UBE2E2: variants seen among roughly 807,000 people sequenced by gnomAD.
The protein encoded by UBE2E2 is ubiquitin-conjugating enzyme E2 E2.
In UBE2E2, 6 loss-of-function variants were observed where a neutral mutation model predicts 24.7. The ratio of observed to expected loss-of-function variants is 0.24; its 90% CI spans 0.13 to 0.48. UBE2E2 has a LOEUF of 0.48. UBE2E2 is among the 20% of genes least tolerant of loss of function. The pLI is 0.99. For synonymous variants in UBE2E2, 104 were observed against 83.6 expected (o/e 1.24, Z -1.33); for missense variants, 169 against 245.0 (o/e 0.69, Z 2.07).
At chr3:23,558,009 T>C (rs1267097159) in intron 5 of UBE2E2, among the ~76,000 whole-genome samples, 1 of 152,228 alleles carries the variant, frequency 6.6e-6, no homozygotes, top group Non-Finnish European at 1.5e-5. Context: ...GCTGTCTTAC[T>C]GCGTTTCTCA....
intron 3 of UBE2E2, among the ~76,000 whole-genome samples, chr3:23,383,380 T>C (rs1225266574): frequency 6.6e-6 from 1 of 152,110 alleles, no homozygotes; most frequent in Non-Finnish European, 1.5e-5. Context: ...ATCTAGCAAA[T>C]GATGATTAAA....
At chr3:23,258,178 A>G (rs2125351784) in intron 3 of UBE2E2, among the ~76,000 whole-genome samples, 1 of 152,340 alleles carries the variant, frequency 6.6e-6, no homozygotes, top group East Asian at 1.9e-4. Flanking sequence ...CACCGAAGGT[A>G]AGATCAAGAA....
chr3:23,464,893 T>G (rs1698888557), intron 3 of UBE2E2, among the ~76,000 whole-genome samples: 1 of 152,200 alleles, frequency 6.6e-6, no homozygotes, highest in African/African-American at 2.4e-5. Flanking sequence ...TGTGAAGTCC[T>G]AAATACAAAT....
At chr3:23,580,944 T>C (rs1047750145) in intron 5 of UBE2E2, among the ~76,000 whole-genome samples, 5 of 152,218 alleles carry the variant, frequency 3.3e-5, no homozygotes, top group South Asian at 2.1e-4. Context: ...AAAATCCTTA[T>C]GGTAATGTCA....
intron 1 of UBE2E2, chr3:23,204,909 A>T (rs1300042375): frequency 3.8e-6 from 1 of 260,654 alleles, no homozygotes; most frequent in African/African-American, 2.3e-5. Flanking sequence ...GCAGTTTTAT[A>T]CTAGTAGATA....
At chr3:23,294,525 G>GT (rs1252304939) in intron 3 of UBE2E2, among the ~76,000 whole-genome samples, 1 of 150,660 alleles carries the variant, frequency 6.6e-6, no homozygotes, top group Non-Finnish European at 1.5e-5. Flanking sequence ...CATCTATGTA[G>GT]TAAGTGCAGC....
At chr3:23,271,788 C>T (rs776141126) in intron 3 of UBE2E2, among the ~76,000 whole-genome samples, 4 of 152,150 alleles carry the variant, frequency 2.6e-5, no homozygotes. Flanking sequence ...ATTTACAATC[C>T]TTTAGCTAGA....
intron 5 of UBE2E2, among the ~76,000 whole-genome samples, chr3:23,563,429 G>A (rs991870544): frequency 6.6e-6 from 1 of 152,156 alleles, no homozygotes; most frequent in Admixed American, 6.6e-5. Context: ...ACTGTGGTCT[G>A]AGAGACAGTT....
intron 3 of UBE2E2, among the ~76,000 whole-genome samples, chr3:23,260,712 G>A (rs959672327): frequency 6.6e-6 from 1 of 152,140 alleles, no homozygotes; most frequent in African/African-American, 2.4e-5. Flanking sequence ...TTCAGAGACT[G>A]AGCCTGGGAG....
At chr3:23,329,019 T>C (rs1050175688) in intron 3 of UBE2E2, among the ~76,000 whole-genome samples, 1 of 152,228 alleles carries the variant, frequency 6.6e-6, no homozygotes, top group African/African-American at 2.4e-5. Context: ...TTGAGTACAA[T>C]ACTCAATACT....
chr3:23,425,558 A>T (rs1216130233), intron 3 of UBE2E2, among the ~76,000 whole-genome samples: 1 of 152,190 alleles, frequency 6.6e-6, no homozygotes, highest in African/African-American at 2.4e-5. Flanking sequence ...TTACAGGGTA[A>T]ACCACTCCCA....
intron 2 of UBE2E2, among the ~76,000 whole-genome samples, chr3:23,214,387 G>A (rs567694732): frequency 6.6e-6 from 1 of 152,042 alleles, no homozygotes; most frequent in African/African-American, 2.4e-5. Context: ...CTGAGTAACT[G>A]GGACTATAAG....
At chr3:23,223,603 A>T (rs1288801835) in intron 3 of UBE2E2, among the ~76,000 whole-genome samples, 1 of 152,068 alleles carries the variant, frequency 6.6e-6, no homozygotes, top group African/African-American at 2.4e-5. Flanking sequence ...TAGTTTGCAA[A>T]TATTTTCTCC....
intron 3 of UBE2E2, among the ~76,000 whole-genome samples, chr3:23,348,368 T>C (rs779029941): frequency 6.0e-5 from 8 of 134,090 alleles, no homozygotes; most frequent in Admixed American, 3.9e-4. Flanking sequence ...AAAAAAAGAA[T>C]AGTCCATAGG....
At chr3:23,272,628 C>T (rs1698275388) in intron 3 of UBE2E2, among the ~76,000 whole-genome samples, 1 of 152,158 alleles carries the variant, frequency 6.6e-6, no homozygotes, top group East Asian at 1.9e-4. Context: ...ATGTGTTAGT[C>T]ATAGTTCTAC....
intron 5 of UBE2E2, among the ~76,000 whole-genome samples, chr3:23,562,775 G>C (rs898330187): frequency 6.6e-6 from 1 of 152,050 alleles, no homozygotes; most frequent in African/African-American, 2.4e-5. Flanking sequence ...AAAAGATTCA[G>C]CTTCTTCCTG....
intron 4 of UBE2E2, among the ~76,000 whole-genome samples, chr3:23,507,938 A>G (rs1285955129): frequency 1.3e-5 from 2 of 152,214 alleles, no homozygotes; most frequent in Non-Finnish European, 2.9e-5. Flanking sequence ...AACGTGTTAT[A>G]TCTACGTTAA....
chr3:23,344,034 C>G (rs1695476640), intron 3 of UBE2E2, among the ~76,000 whole-genome samples: 1 of 152,198 alleles, frequency 6.6e-6, no homozygotes, highest in South Asian at 2.1e-4. Context: ...TCAACTAAAT[C>G]TAGTTTTCAA....
intron 3 of UBE2E2, among the ~76,000 whole-genome samples, chr3:23,247,209 T>C (rs2125342571): frequency 6.6e-6 from 1 of 152,258 alleles, no homozygotes; most frequent in Admixed American, 6.5e-5. Context: ...TTATTCTCTT[T>C]TTATTCCAAT....
Sources: allele counts gnomAD v4.1 joint callset (sites outside exome capture counted in the v4.1 genomes callset), GRCh38; gene constraint gnomAD v4.1.1; transcripts MANE v1.5; gene names NCBI Gene and HGNC (gene_info 2026-07-23, HGNC 2026-07-21).